MBNL1: variants seen among roughly 807,000 people sequenced by gnomAD.
MBNL1 encodes the protein muscleblind-like protein 1.
In MBNL1, 8 loss-of-function variants were observed where a neutral mutation model predicts 42.2. The observed-to-expected ratio is 0.19, with a 90% CI of 0.11 to 0.34. The LOEUF is 0.34. Ranked by LOEUF, MBNL1 falls within the 10% of genes least tolerant of loss-of-function variation. The pLI, the probability that MBNL1 is intolerant of heterozygous loss-of-function variation, is 1.00. For synonymous variants in MBNL1, 169 were observed against 173.9 expected, an observed-to-expected ratio of 0.97 and a Z score of 0.22; for missense variants, 309 against 495.3, an observed-to-expected ratio of 0.62 and a Z score of 3.57.
intron 2 of MBNL1, among the ~76,000 whole-genome samples, chr3:152,402,778 G>T (rs2098281538): frequency 6.6e-6 from 1 of 152,142 alleles, no homozygotes; most frequent in Admixed American, 6.5e-5. Context: ...GATGCAAAAG[G>T]AATGTTTGAG....
At position 152,333,345 on chromosome 3, in the gene MBNL1, T is replaced by C. The variant is rs967440861; in HGVS notation, c.174+32978T>C. 5.9e-5 allele frequency among the ~76,000 whole-genome samples: 9 copies of C among 152,312 alleles called. No individual in the cohort carries two copies. The East Asian group carries it at 1.5e-3, about 26-fold the overall frequency. ...AGCTGGTAAATATCATTAAGAGAAATGGACACATATAAGATAAGTTTGTGT... is the reference window on the plus strand; with the variant it reads ...AGCTGGTAAATATCATTAAGAGAAACGGACACATATAAGATAAGTTTGTGT... On this transcript the variant is annotated intron_variant, in intron 2 of 9. Transcript: ENST00000324210.
intron 2 of MBNL1, among the ~76,000 whole-genome samples, chr3:152,353,556 A>C (rs185083522): frequency 6.6e-6 from 1 of 152,144 alleles, no homozygotes; most frequent in Admixed American, 6.5e-5. Flanking sequence ...GAATGATGTG[A>C]GGTAGATACC....
intron 1 of MBNL1, among the ~76,000 whole-genome samples, chr3:152,270,486 ATC>A (rs200630671): frequency 6.6e-6 from 1 of 152,174 alleles, no homozygotes; most frequent in South Asian, 2.1e-4. Context: ...CTCCACAGTT[ATC>A]TCTCTGTGTG....
At chr3:152,299,165 T>A (rs575117170) in intron 1 of MBNL1, 2 of 152,762 alleles carry the variant, frequency 1.3e-5, no homozygotes, top group Admixed American at 1.3e-4. Flanking sequence ...TATCTGTGAT[T>A]GGTTATCTCT....
chr3:152,439,682 A>G (rs1580510406), intron 4 of MBNL1, among the ~76,000 whole-genome samples: 2 of 152,244 alleles, frequency 1.3e-5, no homozygotes, highest in Non-Finnish European at 2.9e-5. Context: ...TTGATATGGT[A>G]TAGAGTATAG....
intron 6 of MBNL1, among the ~76,000 whole-genome samples, chr3:152,453,356 C>A (rs1168805202): frequency 6.6e-6 from 1 of 152,088 alleles, no homozygotes; most frequent in South Asian, 2.1e-4. Context: ...CATTTTCATA[C>A]ATATCAATTA....
At chr3:152,384,217 G>T (rs1265944134) in intron 2 of MBNL1, among the ~76,000 whole-genome samples, 1 of 152,058 alleles carries the variant, frequency 6.6e-6, no homozygotes, top group East Asian at 1.9e-4. Context: ...CTGCCTAGAG[G>T]AAATGTGTTT....
intron 2 of MBNL1, among the ~76,000 whole-genome samples, chr3:152,329,444 TAGTG>T (rs1267825519): frequency 1.3e-5 from 2 of 151,278 alleles, no homozygotes; most frequent in Admixed American, 1.3e-4. Context: ...CCAAGGAACA[TAGTG>T]AGACTCTGTC....
At chr3:152,356,061 T>C (rs1168324376) in intron 2 of MBNL1, among the ~76,000 whole-genome samples, 1 of 152,186 alleles carries the variant, frequency 6.6e-6, no homozygotes, top group East Asian at 1.9e-4. Flanking sequence ...TTGTTTCTCA[T>C]GGGAAGAAGC....
rs1442336188 is a variant in MBNL1, at chr3:152,465,420, A to AAAAT, written c.*3058_*3061dup. On this transcript the variant is annotated 3_prime_UTR_variant, in exon 10 of 10. Transcript: ENST00000324210. ...AGGATCCTGTTCTTTCAGCAGGTGA[A>AAAAT]AAATAAAACGCAGTTCAAATTTCAT... 1 of 152,640 alleles carries AAAAT rather than the reference A, an allele frequency of 6.6e-6. No individual in the cohort carries two copies. Among genetic ancestry groups the AAAAT allele is most frequent in the African/African-American group, 2.4e-5 (1 of 41,462 alleles). The allele number at this position is 152,640 out of a possible 1,614,324, so 9.5% of individuals were successfully genotyped here.
intron 2 of MBNL1, among the ~76,000 whole-genome samples, chr3:152,398,833 A>G (rs1481728210): frequency 6.6e-6 from 1 of 152,142 alleles, no homozygotes; most frequent in Non-Finnish European, 1.5e-5. Context: ...TGCTCTTTCA[A>G]ACTTGTTTCC....
At chr3:152,319,169 T>TG (rs1491284136) in intron 2 of MBNL1, among the ~76,000 whole-genome samples, 2 of 152,182 alleles carry the variant, frequency 1.3e-5, no homozygotes, top group African/African-American at 4.8e-5. Context: ...AACCTTTTTT[T>TG]GGGGGGCCTA....
intron 2 of MBNL1, among the ~76,000 whole-genome samples, chr3:152,312,531 A>G (rs11919936): frequency 0.071 from 10,829 of 152,356 alleles, 508 homozygotes; most frequent in Middle Eastern, 0.17. Context: ...TAAATACTCC[A>G]TAAATGGTAG....
At chr3:152,338,994 T>C (rs895752497) in intron 2 of MBNL1, among the ~76,000 whole-genome samples, 8 of 152,208 alleles carry the variant, frequency 5.3e-5, no homozygotes, top group Non-Finnish European at 8.8e-5. Flanking sequence ...AGAATTAAAA[T>C]GGTTAAAGAT....
intron 1 of MBNL1, among the ~76,000 whole-genome samples, chr3:152,294,950 C>T (rs1395331759): frequency 6.6e-6 from 1 of 152,006 alleles, no homozygotes; most frequent in Non-Finnish European, 1.5e-5. Context: ...AATCTGATAT[C>T]AGCAGTTTAG....
At chr3:152,243,859 C>G (rs1056442447) in exon 1 of MBNL1, 2 of 152,450 alleles carry the variant, frequency 1.3e-5, no homozygotes, top group Admixed American at 1.3e-4. Flanking sequence ...GCCTGGAAAG[C>G]AATGGCCGCG....
At chr3:152,316,827 T>C (rs892299407) in intron 2 of MBNL1, among the ~76,000 whole-genome samples, 2 of 152,180 alleles carry the variant, frequency 1.3e-5, no homozygotes, top group Non-Finnish European at 2.9e-5. Context: ...GAGCTGGCTT[T>C]GCCTTCTCTT....
intron 2 of MBNL1, among the ~76,000 whole-genome samples, chr3:152,341,557 A>G (rs2093224934): frequency 6.6e-6 from 1 of 152,228 alleles, no homozygotes; most frequent in Admixed American, 6.5e-5. Context: ...TAAGACTAGT[A>G]CTGCTCAATT....
At chr3:152,348,989 A>G (rs1185025497) in intron 2 of MBNL1, among the ~76,000 whole-genome samples, 1 of 152,080 alleles carries the variant, frequency 6.6e-6, no homozygotes, top group Non-Finnish European at 1.5e-5. Context: ...TACAGAGAGC[A>G]TAATAAGTCT....
Sources: allele counts gnomAD v4.1 joint callset (sites outside exome capture counted in the v4.1 genomes callset), GRCh38; gene constraint gnomAD v4.1.1; transcripts MANE v1.5; gene names NCBI Gene and HGNC (gene_info 2026-07-23, HGNC 2026-07-21).